The following NET1 variants were observed in gnomAD, a reference collection of about 807,000 sequenced individuals.
NET1 encodes the protein neuroepithelial cell-transforming gene 1 protein.
In NET1, 42 loss-of-function variants were observed where a neutral mutation model predicts 61.1. The ratio of observed to expected loss-of-function variants is 0.69; its 90% CI spans 0.54 to 0.89. The LOEUF (loss-of-function observed/expected upper bound fraction) is 0.89. NET1 is among the 40% of genes least tolerant of loss of function. NET1 has a pLI of 0.00. For synonymous variants in NET1, 254 were observed against 281.8 expected (o/e 0.90, Z 0.99); for missense variants, 654 against 747.3 (o/e 0.88, Z 1.46).
chr10:5,416,770 A>G lies in NET1; in HGVS notation c.128+3950A>G, dbSNP rs528976188. Among the ~76,000 whole-genome samples, 9 of 152,320 alleles carry G rather than the reference A, an allele frequency of 5.9e-5. No homozygotes were observed. The South Asian group carries it at 1.9e-3, about 32-fold the overall frequency. On this transcript the variant is annotated intron_variant, in intron 1 of 11. Coordinates refer to ENST00000355029, the MANE Select transcript of NET1 (RefSeq NM_001047160.3). This position sits in a 1 kb window ranked among gnomAD's most constrained non-coding sequence, Gnocchi z 6.1. ...CCCTGCTGTTCAAACCTCTAGGGGA[A>G]CATATAGATAGGCAGGCTGTGGGGC...
At position 5,424,834 on chromosome 10, in the gene NET1, G is replaced by A. The variant is rs1001350617; in HGVS notation, c.129-1821G>A. ...TTCCTGGCAATTTTGACATCGAACC[G>A]TCTCTCAAATCAGCTTCTCCTCTCT... is the stretch of plus-strand genomic sequence containing the variant. On this transcript the variant is annotated intron_variant, in intron 1 of 11. Coordinates refer to ENST00000355029, the MANE Select transcript of NET1 (RefSeq NM_001047160.3). The surrounding 1 kb of genome is among the most constrained non-coding windows in gnomAD (Gnocchi z 6.1). Among the ~76,000 whole-genome samples the A allele has an allele frequency of 6.6e-6, 1 of 152,222 alleles. No individual in the cohort carries two copies. The highest frequency in any genetic ancestry group is 2.4e-5 in the African/African-American group (1 of 41,526).
At position 5,452,067 on chromosome 10, in the gene NET1, C is replaced by A. The variant is rs1262241118; in HGVS notation, c.363+130C>A. 7 of 666,026 alleles carry A rather than the reference C, an allele frequency of 1.1e-5. No homozygotes were observed. The highest frequency in any genetic ancestry group is 9.1e-5 in the African/African-American group (5 of 55,222). 41.3% of individuals were successfully genotyped at this position (666,026 alleles called of 1,614,324 possible). The stretch of plus-strand genomic sequence containing the variant: ...AACATAGTTTTCTTTTTGGAATATG[C>A]TAGTAAGGAATATTGTTCCAGAACA... On this transcript the variant is annotated intron_variant, in intron 4 of 11. Transcript: ENST00000355029. This position sits in a 1 kb window ranked among gnomAD's most constrained non-coding sequence, Gnocchi z 4.0.
Position 5,412,824 on chromosome 10 carries a change from A to G in NET1, c.128+4A>G, listed in dbSNP as rs1485255877. ...CCGGGTCGGAGCTGGACGGGAGGTG[A>G]GTGTGGGGGAGGGGAGGGCCGAACG... On this transcript the variant is annotated splice_donor_region_variant and intron_variant, in intron 1 of 11. Coordinates refer to ENST00000355029, the MANE Select transcript of NET1 (RefSeq NM_001047160.3). The surrounding 1 kb of genome is among the most constrained non-coding windows in gnomAD (Gnocchi z 6.5). 3.3e-6 allele frequency: 4 copies of G among 1,227,896 alleles called. No individual in the cohort carries two copies. The Admixed American group carries it at 1.8e-4, about 56-fold the overall frequency. The allele number at this position is 1,227,896 out of a possible 1,614,324, so 76.1% of individuals were successfully genotyped here. A position where few individuals can be genotyped will look rare whatever the true frequency, so the allele number is the denominator to read the frequency against.
Position 5,446,597 on chromosome 10 carries a change from C to T in NET1, c.256-5233C>T. ...CGAGCCCTGGGGTCGGTGCTTGCTG[C>T]CTGCGGCTCTCAGAAGCCTCTGCTC... On this transcript the variant is annotated intron_variant, in intron 3 of 11. Coordinates refer to ENST00000355029, the MANE Select transcript of NET1 (RefSeq NM_001047160.3). This position sits in a 1 kb window ranked among gnomAD's most constrained non-coding sequence, Gnocchi z 5.0. 2 of 1,212,234 alleles carry T rather than the reference C, an allele frequency of 1.6e-6. No individual in the cohort carries two copies. Among genetic ancestry groups the T allele is most frequent in the Non-Finnish European group, 2.1e-6 (2 of 972,786 alleles). The allele number at this position is 1,212,234 out of a possible 1,614,324, so 75.1% of individuals were successfully genotyped here.
rs71388435 is a variant in NET1 at position 5,435,474 on chromosome 10, GAGATAGAT to G, written c.255+6297_255+6304del. ...TTCTACTTTATATGCCTCCGTGCCT[GAGATAGAT>G]AGATAGATAGATAGATAGATAGATA... On this transcript the variant is annotated intron_variant, in intron 3 of 11. Transcript: ENST00000355029. The surrounding 1 kb of genome is among the most constrained non-coding windows in gnomAD (Gnocchi z 5.0). Among the ~76,000 whole-genome samples the G allele has an allele frequency of 2.9e-3, 411 of 142,842 alleles. 3 individuals carry two copies. The highest frequency in any genetic ancestry group is 8.3e-3 in the African/African-American group (313 of 37,648). 93.7% of individuals were successfully genotyped at this position (142,842 alleles called of 152,430 possible).
At chr10:5,429,022 C>A (rs569642479) in intron 2 of NET1, 148 bp from the exon 3 acceptor site, 1 of 507,216 alleles carries the variant, frequency 2.0e-6, no homozygotes, top group Non-Finnish European at 3.4e-6. Context: ...ACGTGAGCCA[C>A]CGCGCCTGGC....
chr10:5,426,794 C>A lies in NET1; in HGVS notation c.195+73C>A. ...TTCCCTGGTTTCTTTCAGTCTGTTA[C>A]ACAGATCAGTGGTCCTTACTTCTGA... is the stretch of plus-strand genomic sequence containing the variant. On this transcript the variant is annotated intron_variant, in intron 2 of 11. Transcript: ENST00000355029. This position sits in a 1 kb window ranked among gnomAD's most constrained non-coding sequence, Gnocchi z 4.6. 2.8e-6 allele frequency: 3 copies of A among 1,080,266 alleles called. No individual in the cohort carries two copies. Among genetic ancestry groups the A allele is most frequent in the Non-Finnish European group, 4.0e-6 (3 of 745,374 alleles). 66.9% of individuals were successfully genotyped at this position (1,080,266 alleles called of 1,614,324 possible).
rs1396099370 is a variant in NET1 at position 5,436,191 on chromosome 10, TG to T, written c.255+6963del. ...TGTGTGTGTGTGTGTGTGTGTTGTG[TG>T]TGTGTGTGTGTGTGTGTGTGTGTGT... On this transcript the variant is annotated intron_variant, in intron 3 of 11. Coordinates refer to ENST00000355029, the MANE Select transcript of NET1 (RefSeq NM_001047160.3). Among the ~76,000 whole-genome samples, 3 of 14,946 alleles carry T rather than the reference TG, an allele frequency of 2.0e-4. No individual in the cohort carries two copies. The East Asian group carries it at 2.9e-3, about 15-fold the overall frequency. 9.8% of individuals were successfully genotyped at this position (14,946 alleles called of 152,430 possible).
intron 3 of NET1, among the ~76,000 whole-genome samples, chr10:5,430,007 TCTG>T (rs1277379653): frequency 5.9e-5 from 9 of 152,188 alleles, no homozygotes; most frequent in African/African-American, 2.2e-4. Flanking sequence ...ATTTTTATAA[TCTG>T]CTCATCAACA....
chr10:5,440,348 A>G lies in NET1; in HGVS notation c.255+11119A>G, dbSNP rs563205243. Among the ~76,000 whole-genome samples the G allele has an allele frequency of 6.6e-6, 1 of 152,222 alleles. No individual in the cohort carries two copies. Among genetic ancestry groups the G allele is most frequent in the East Asian group, 1.9e-4 (1 of 5,200 alleles). On this transcript the variant is annotated intron_variant, in intron 3 of 11. Transcript: ENST00000355029. This position sits in a 1 kb window ranked among gnomAD's most constrained non-coding sequence, Gnocchi z 4.1. ...CACATAGGCCAGATCAGTAACCACAACCATAACCATGTAACAAATGCTAGA... is the reference window on the plus strand; with the variant it reads ...CACATAGGCCAGATCAGTAACCACAGCCATAACCATGTAACAAATGCTAGA...
chr10:5,416,713 C>A lies in NET1; in HGVS notation c.128+3893C>A, dbSNP rs1277181883. Among the ~76,000 whole-genome samples, 2 of 152,156 alleles carry A rather than the reference C, an allele frequency of 1.3e-5. No homozygotes were observed. Among genetic ancestry groups the A allele is most frequent in the Non-Finnish European group, 2.9e-5 (2 of 68,034 alleles). On this transcript the variant is annotated intron_variant, in intron 1 of 11. Transcript: ENST00000355029. The surrounding 1 kb of genome is among the most constrained non-coding windows in gnomAD (Gnocchi z 6.1). ...AAGTTCCCTTTTCCCCCTCGCAGGG[C>A]GTGCACTGGAGGTGTGCTCGCTTCT...
At position 5,452,321 on chromosome 10, in the gene NET1, T is replaced by A. The variant is rs1564467918; in HGVS notation, c.364-37T>A. The A allele has an allele frequency of 1.3e-6, 2 of 1,494,460 alleles. No individual in the cohort carries two copies. The highest frequency in any genetic ancestry group is 1.8e-6 in the Non-Finnish European group (2 of 1,113,698). The allele number at this position is 1,494,460 out of a possible 1,614,324, so 92.6% of individuals were successfully genotyped here. A position where few individuals can be genotyped will look rare whatever the true frequency, so the allele number is the denominator to read the frequency against. On this transcript the variant is annotated intron_variant, in intron 4 of 11. Transcript: ENST00000355029. The surrounding 1 kb of genome is among the most constrained non-coding windows in gnomAD (Gnocchi z 4.0). ...TGGGAATAATTCTATTTCTTCCAAATCTTATTTTCTCTTTTGTTCACCTTT... is the reference window on the plus strand; with the variant it reads ...TGGGAATAATTCTATTTCTTCCAAAACTTATTTTCTCTTTTGTTCACCTTT...
At chr10:5,428,700 G>T (rs927384118) in intron 2 of NET1, among the ~76,000 whole-genome samples, 1 of 136,596 alleles carries the variant, frequency 7.3e-6, no homozygotes. Flanking sequence ...ATTCATGAGC[G>T]TCTCTCCTCA....
rs765565946 is a variant in NET1, at chr10:5,452,105, ATTATATTAATTTGCATC to A, written c.363+191_363+207del. On this transcript the variant is annotated intron_variant, in intron 4 of 11. Transcript: ENST00000355029. The surrounding 1 kb of genome is among the most constrained non-coding windows in gnomAD (Gnocchi z 4.0). ...TTGTTCCAGAACAATGTGTAGCCTCATTATATTAATTTGCATCTTATATTAATTTGCATCTTATAATG... is the reference window on the plus strand; with the variant it reads ...TTGTTCCAGAACAATGTGTAGCCTCATTATATTAATTTGCATCTTATAATG... 1.2e-4 allele frequency among the ~76,000 whole-genome samples: 19 copies of A among 152,328 alleles called. No individual in the cohort carries two copies. The highest frequency in any genetic ancestry group is 4.1e-4 in the South Asian group (2 of 4,832).
At position 5,427,492 on chromosome 10, in the gene NET1, A is replaced by G. The variant is rs923079153; in HGVS notation, c.195+771A>G. ...TAACCATGTCAACAGTACCATATGT[A>G]TCCTTCTATATTTTGCTCATATCAT... is the stretch of plus-strand genomic sequence containing the variant. On this transcript the variant is annotated intron_variant, in intron 2 of 11. Transcript: ENST00000355029. This position sits in a 1 kb window ranked among gnomAD's most constrained non-coding sequence, Gnocchi z 4.1. 1.3e-5 allele frequency among the ~76,000 whole-genome samples: 2 copies of G among 152,094 alleles called. No individual in the cohort carries two copies. The highest frequency in any genetic ancestry group is 4.8e-5 in the African/African-American group (2 of 41,410).
chr10:5,453,849 C>T lies in NET1; in HGVS notation c.768+289C>T, dbSNP rs1046539555. On this transcript the variant is annotated intron_variant, in intron 8 of 11. Coordinates refer to ENST00000355029, the MANE Select transcript of NET1 (RefSeq NM_001047160.3). This position sits in a 1 kb window ranked among gnomAD's most constrained non-coding sequence, Gnocchi z 4.9. ...TTGCATTCTGTCATGTATGTTTAAG[C>T]GCATGCCAAATGCGGGGCACTGTTT... 6.6e-6 allele frequency among the ~76,000 whole-genome samples: 1 copy of T among 152,034 alleles called. No homozygotes were observed. Among genetic ancestry groups the T allele is most frequent in the African/African-American group, 2.4e-5 (1 of 41,360 alleles).
chr10:5,439,376 C>A lies in NET1; in HGVS notation c.255+10147C>A, dbSNP rs1340488962. Among the ~76,000 whole-genome samples the A allele has an allele frequency of 6.6e-6, 1 of 152,168 alleles. No homozygotes were observed. The highest frequency in any genetic ancestry group is 1.5e-5 in the Non-Finnish European group (1 of 68,032). On this transcript the variant is annotated intron_variant, in intron 3 of 11. Transcript: ENST00000355029. This position sits in a 1 kb window ranked among gnomAD's most constrained non-coding sequence, Gnocchi z 4.8. ...AGTGGTTTTAGAGACCTACTCCACC[C>A]CTAGATGAAGAGTTGAAAGAGAAGT...
At position 5,432,409 on chromosome 10, in the gene NET1, T is replaced by C. The variant is rs1443865736; in HGVS notation, c.255+3180T>C. On this transcript the variant is annotated intron_variant, in intron 3 of 11. Coordinates refer to ENST00000355029, the MANE Select transcript of NET1 (RefSeq NM_001047160.3). ...TCAAAGACAACAGCTTGCATTATTA[T>C]TGATTACTGAAAACGTTTTATGTTT... 2.0e-5 allele frequency among the ~76,000 whole-genome samples: 3 copies of C among 152,200 alleles called. No individual in the cohort carries two copies. In the East Asian group the frequency reaches 5.8e-4, roughly 29 times the overall value.
At position 5,435,874 on chromosome 10, in the gene NET1, C is replaced by G. The variant is rs1272111606; in HGVS notation, c.255+6645C>G. On this transcript the variant is annotated intron_variant, in intron 3 of 11. Coordinates refer to ENST00000355029, the MANE Select transcript of NET1 (RefSeq NM_001047160.3). The surrounding 1 kb of genome is among the most constrained non-coding windows in gnomAD (Gnocchi z 5.0). ...ACAATTATTCATTTTTAAAAGAACACAGTATTAGTTTTCCAAATGTGTTTC... is the reference window on the plus strand; with the variant it reads ...ACAATTATTCATTTTTAAAAGAACAGAGTATTAGTTTTCCAAATGTGTTTC... Among the ~76,000 whole-genome samples, 1 of 151,920 alleles carries G rather than the reference C, an allele frequency of 6.6e-6. No homozygotes were observed. Among genetic ancestry groups the G allele is most frequent in the Admixed American group, 6.5e-5 (1 of 15,270 alleles).
Sources: allele counts gnomAD v4.1 joint callset (sites outside exome capture counted in the v4.1 genomes callset), GRCh38; gene constraint gnomAD v4.1.1; non-coding constraint Gnocchi (gnomAD v3.1); transcripts MANE v1.5; gene names NCBI Gene and HGNC (gene_info 2026-07-23, HGNC 2026-07-21).